WDR7: variants seen among roughly 807,000 people sequenced by gnomAD.
WDR7 encodes WD repeat domain 7.
In WDR7, 46 loss-of-function variants were observed where a neutral mutation model predicts 169.4. The observed-to-expected ratio is 0.27, with a 90% CI of 0.21 to 0.35. The LOEUF (loss-of-function observed/expected upper bound fraction) is 0.35. Among genes scored for constraint, WDR7 ranks in the 10% least tolerant of loss-of-function variants. The pLI is 1.00. For synonymous variants in WDR7, 612 were observed against 666.8 expected (o/e 0.92, Z 1.27); for missense variants, 1,534 against 1,859.3 (o/e 0.83, Z 3.22).
At chr18:56,998,172 A>G (rs1327485453) in intron 26 of WDR7, among the ~76,000 whole-genome samples, 1 of 152,178 alleles carries the variant, frequency 6.6e-6, no homozygotes, top group Non-Finnish European at 1.5e-5. Context: ...GCCCCAAGGT[A>G]TAAGCAGTGA....
At chr18:56,927,248 G>A (rs558693804) in intron 22 of WDR7, among the ~76,000 whole-genome samples, 7 of 152,090 alleles carry the variant, frequency 4.6e-5, no homozygotes, top group East Asian at 1.9e-4. Flanking sequence ...CCCATGTCCC[G>A]ACATCTCCTG....
chr18:56,742,986 A>G (rs914202265), intron 14 of WDR7, among the ~76,000 whole-genome samples: 2 of 152,214 alleles, frequency 1.3e-5, no homozygotes, highest in African/African-American at 4.8e-5. Flanking sequence ...AAGGAATTAT[A>G]TATGAAAGCC....
intron 23 of WDR7, among the ~76,000 whole-genome samples, chr18:56,938,261 A>G (rs934786089): frequency 1.3e-5 from 2 of 152,198 alleles, no homozygotes; most frequent in Non-Finnish European, 2.9e-5. Flanking sequence ...TACCAAATTC[A>G]CAAGTCCTCA....
chr18:56,790,531 TTATTA>T (rs1371429709), intron 19 of WDR7, among the ~76,000 whole-genome samples: 1 of 152,178 alleles, frequency 6.6e-6, no homozygotes, highest in South Asian at 2.1e-4. Flanking sequence ...TGTAATATTT[TTATTA>T]TATTAGCTAA....
intron 16 of WDR7, among the ~76,000 whole-genome samples, chr18:56,773,988 TC>T (rs2044204327): frequency 6.6e-6 from 1 of 152,138 alleles, no homozygotes; most frequent in African/African-American, 2.4e-5. Context: ...ATAATTGTAT[TC>T]TTTTTTTAGT....
intron 21 of WDR7, among the ~76,000 whole-genome samples, chr18:56,887,704 G>A (rs1429385263): frequency 6.6e-6 from 1 of 151,180 alleles, no homozygotes. Context: ...GTTCCTTGAT[G>A]GTAATTTTGC....
At chr18:56,845,179 AGTTAT>A (rs1252567912) in intron 20 of WDR7, among the ~76,000 whole-genome samples, 24 of 152,136 alleles carry the variant, frequency 1.6e-4, no homozygotes, top group Non-Finnish European at 3.5e-4. Context: ...CACTCTATGC[AGTTAT>A]GTTAAGTATT....
intron 26 of WDR7, among the ~76,000 whole-genome samples, chr18:57,008,467 C>G (rs369511384): frequency 6.6e-6 from 1 of 152,214 alleles, no homozygotes; most frequent in Non-Finnish European, 1.5e-5. Flanking sequence ...CGTTTTCAAG[C>G]CTGCCTGTCT....
chr18:57,009,980 A>T (rs2048115594), intron 26 of WDR7: 1 of 985,300 alleles, frequency 1.0e-6, no homozygotes, highest in Non-Finnish European at 1.2e-6. Context: ...CATGACGGAC[A>T]TTTACTTAGG....
At chr18:56,974,847 A>C (rs1442548931) in intron 26 of WDR7, among the ~76,000 whole-genome samples, 1 of 152,168 alleles carries the variant, frequency 6.6e-6, no homozygotes. Context: ...AAATAAGTAC[A>C]ATAAAGCTTT....
At chr18:56,876,555 T>TA (rs1490635234) in intron 20 of WDR7, among the ~76,000 whole-genome samples, 1 of 152,178 alleles carries the variant, frequency 6.6e-6, no homozygotes, top group Non-Finnish European at 1.5e-5. Flanking sequence ...AAAGAGGACT[T>TA]ACAATACATC....
At chr18:56,660,551 A>G (rs1471594265) in intron 1 of WDR7, among the ~76,000 whole-genome samples, 1 of 152,072 alleles carries the variant, frequency 6.6e-6, no homozygotes, top group African/African-American at 2.4e-5. Context: ...TACTCAACCT[A>G]TAGATGGTTT....
At chr18:56,696,596 A>G (rs2025709371) in intron 12 of WDR7, 134 bp downstream of exon 12, 1 of 798,686 alleles carries the variant, frequency 1.3e-6, no homozygotes, top group East Asian at 2.7e-5. Flanking sequence ...TCAATTTTAA[A>G]ACTAAAATAA....
chr18:56,780,543 G>A (rs141314823), intron 18 of WDR7, among the ~76,000 whole-genome samples: 12 of 152,276 alleles, frequency 7.9e-5, no homozygotes, highest in African/African-American at 2.6e-4. Flanking sequence ...AATAGGCCGG[G>A]TGATGTGGGT....
intron 26 of WDR7, among the ~76,000 whole-genome samples, chr18:57,017,607 C>T (rs1406720264): frequency 6.6e-6 from 1 of 151,314 alleles, no homozygotes; most frequent in East Asian, 1.9e-4. Context: ...ACTTCAACAA[C>T]AACAAATGAA....
intron 14 of WDR7, among the ~76,000 whole-genome samples, chr18:56,743,638 A>T (rs1360457748): frequency 6.6e-6 from 1 of 152,182 alleles, no homozygotes; most frequent in Admixed American, 6.5e-5. Context: ...CACTGTGGAG[A>T]GTTAAGGAGT....
intron 20 of WDR7, among the ~76,000 whole-genome samples, chr18:56,836,707 CTTGA>C (rs1284901306): frequency 1.3e-5 from 2 of 152,080 alleles, no homozygotes; most frequent in African/African-American, 4.8e-5. Flanking sequence ...TTTTATTTTA[CTTGA>C]TTGATGCTTT....
At chr18:56,983,000 G>A (rs1273974297) in intron 26 of WDR7, among the ~76,000 whole-genome samples, 1 of 152,166 alleles carries the variant, frequency 6.6e-6, no homozygotes, top group African/African-American at 2.4e-5. Flanking sequence ...CTCCTCAGCT[G>A]CAGGACAACA....
chr18:56,675,490 A>T (rs993557426), intron 2 of WDR7, among the ~76,000 whole-genome samples: 2 of 151,656 alleles, frequency 1.3e-5, no homozygotes, highest in Non-Finnish European at 2.9e-5. Context: ...GAATTTTTCC[A>T]TTTATTTTAT....
Sources: gnomAD v4.1 joint callset for allele counts (sites outside exome capture counted in the v4.1 genomes callset) on GRCh38, gnomAD v4.1.1 for gene constraint, MANE v1.5 for transcripts, NCBI Gene and HGNC (gene_info 2026-07-23, HGNC 2026-07-21) for gene names.